Variants in ANKRD39 observed in about 807,000 individuals in gnomAD.
ANKRD39 encodes ankyrin repeat domain 39, also known as ankyrin repeat domain-containing protein 39.
In ANKRD39, 18 loss-of-function variants were observed where a neutral mutation model predicts 20.3. The observed-to-expected ratio is 0.89, with a 90% CI of 0.61 to 1.32. The LOEUF (loss-of-function observed/expected upper bound fraction) is 1.32, where lower values mean the gene tolerates loss of function less well. ANKRD39 is among the 40% of genes most tolerant of loss of function. The pLI, the probability that ANKRD39 is intolerant of heterozygous loss-of-function variation, is 0.00. For synonymous variants in ANKRD39, 106 were observed against 111.9 expected (o/e 0.95, Z 0.33); for missense variants, 243 against 250.7 (o/e 0.97, Z 0.21).
intron 1 of ANKRD39, among the ~76,000 whole-genome samples, chr2:96,856,727 C>T (rs1255463013): frequency 6.6e-6 from 1 of 152,172 alleles, no homozygotes; most frequent in Non-Finnish European, 1.5e-5. Context: ...GAACTGCCCC[C>T]AGTTGAGAAC....
rs1213513013 is a variant in ANKRD39, at chr2:96,853,455, T to A, written c.354A>T (p.Ser118=). The A allele has an allele frequency of 6.3e-7, 1 of 1,597,672 alleles. No individual in the cohort carries two copies. Among genetic ancestry groups the A allele is most frequent in the East Asian group, 2.3e-5 (1 of 43,734 alleles). The change falls in exon 3 of 4, where the codon TCA becomes TCT. Residue 118 remains serine (S), a synonymous_variant. Coordinates refer to ENST00000393537, the MANE Select transcript of ANKRD39 (RefSeq NM_016466.6). ...GHTEIARLLL[S]HGSNPRVVDD... is the part of the protein sequence containing the mutation. ...CCACCACCCTGGGGTTGGACCCATG[T>A]GATAGCAGGAGCCGCGCGATTTCAG...
intron 3 of ANKRD39, among the ~76,000 whole-genome samples, chr2:96,848,784 A>G (rs962646096): frequency 1.3e-5 from 2 of 151,918 alleles, no homozygotes; most frequent in Non-Finnish European, 2.9e-5. Context: ...TCATGCCATT[A>G]CACTCCAGCC....
chr2:96,849,207 C>T (rs892283972), intron 3 of ANKRD39, among the ~76,000 whole-genome samples: 2 of 152,000 alleles, frequency 1.3e-5, no homozygotes, highest in African/African-American at 4.8e-5. Context: ...GGCTGGAGTT[C>T]AGTAGTGCAA....
At chr2:96,853,129 A>G (rs1012485710) in intron 3 of ANKRD39, among the ~76,000 whole-genome samples, 3 of 152,226 alleles carry the variant, frequency 2.0e-5, no homozygotes, top group African/African-American at 4.8e-5. Context: ...AAGAGTATGT[A>G]TAAGTTTCAG....
At chr2:96,856,051 GTTTCT>G (rs1393583264) in intron 1 of ANKRD39, among the ~76,000 whole-genome samples, 3 of 152,192 alleles carry the variant, frequency 2.0e-5, no homozygotes, top group African/African-American at 7.2e-5. Flanking sequence ...AAATCTCACA[GTTTCT>G]TTTATTTGTG....
At position 96,848,075 on chromosome 2, in the gene ANKRD39, A is replaced by C. The variant is rs2079818712; in HGVS notation, c.*226T>G. 1 of 472,738 alleles carries C rather than the reference A, an allele frequency of 2.1e-6. No homozygotes were observed. The highest frequency in any genetic ancestry group is 3.7e-6 in the Non-Finnish European group (1 of 271,610). The allele number at this position is 472,738 out of a possible 1,614,324, so 29.3% of individuals were successfully genotyped here. ...ATATAACTTTATTTTTTTCCAAATA[A>C]ATAGATGTCTCATATGAACTAATTT... On this transcript the variant is annotated 3_prime_UTR_variant, in exon 4 of 4. Coordinates refer to ENST00000393537, the MANE Select transcript of ANKRD39 (RefSeq NM_016466.6).
chr2:96,852,905 C>T (rs61661673), intron 3 of ANKRD39, among the ~76,000 whole-genome samples: 10,032 of 151,910 alleles, frequency 0.066, 844 homozygotes, highest in African/African-American at 0.2. Context: ...CCATTCCCCA[C>T]AAAAAAGGAA....
rs763181616 is a variant in ANKRD39, at chr2:96,854,372, G to T, written c.170C>A (p.Pro57Gln). The T allele has an allele frequency of 6.2e-7, 1 of 1,614,058 alleles. No homozygotes were observed. Among genetic ancestry groups the T allele is most frequent in the Non-Finnish European group, 8.5e-7 (1 of 1,179,996 alleles). ...GTAGCCGGCCGAGTCGGGCTGACTT[G>T]GGTCCTCGGCCTTCTGGATTAAATG... The part of the protein sequence containing the change: ...VKHLIQKAED[P>Q]SQPDSAGYTA... The change falls in exon 2 of 4, where the codon CCA becomes CAA. Residue 57 changes from proline to glutamine, a missense_variant. Physicochemically the swap from Pro to Gln is moderately conservative, Grantham distance 76. Coordinates refer to ENST00000393537, the MANE Select transcript of ANKRD39 (RefSeq NM_016466.6).
Position 96,857,737 on chromosome 2 carries a change from G to C in ANKRD39, c.100+151C>G, listed in dbSNP as rs546582363. ...GCCCTGGGAGGCTCTCAGTACACGG[G>C]AACCGTGGGTCCCGCCCGCCTTCCC... is the stretch of plus-strand genomic sequence containing the variant. On this transcript the variant is annotated intron_variant, in intron 1 of 3. Transcript: ENST00000393537. 9.2e-5 allele frequency: 75 copies of C among 815,024 alleles called. No homozygotes were observed. The South Asian group carries it at 1.2e-3, about 13-fold the overall frequency. The allele number at this position is 815,024 out of a possible 1,614,324, so 50.5% of individuals were successfully genotyped here.
intron 1 of ANKRD39, among the ~76,000 whole-genome samples, chr2:96,857,064 G>C (rs1318232872): frequency 1.3e-5 from 2 of 152,218 alleles, no homozygotes; most frequent in Non-Finnish European, 2.9e-5. Context: ...TGGCTGCTAT[G>C]TGAGAGTAGA....
chr2:96,851,622 C>T (rs2079837395), intron 3 of ANKRD39, among the ~76,000 whole-genome samples: 1 of 152,186 alleles, frequency 6.6e-6, no homozygotes, highest in Non-Finnish European at 1.5e-5. Context: ...GACAAAGCCC[C>T]AGCTGTCTCT....
At chr2:96,856,195 C>T (rs573113198) in intron 1 of ANKRD39, among the ~76,000 whole-genome samples, 4 of 152,152 alleles carry the variant, frequency 2.6e-5, no homozygotes, top group South Asian at 2.1e-4. Flanking sequence ...AGCAAGATGC[C>T]GGGTGCGGTG....
At chr2:96,850,105 A>T (rs1027590365) in intron 3 of ANKRD39, among the ~76,000 whole-genome samples, 2 of 152,176 alleles carry the variant, frequency 1.3e-5, no homozygotes, top group African/African-American at 4.8e-5. Context: ...AACTCTGTGA[A>T]CCACTATTAT....
At chr2:96,848,523 C>A in intron 3 of ANKRD39, 79 bp from the exon 4 acceptor site, 1 of 1,563,502 alleles carries the variant, frequency 6.4e-7, no homozygotes, top group South Asian at 1.1e-5. Flanking sequence ...TTCAGTGGTT[C>A]TTCCTTCTAA....
chr2:96,853,327 C>G, intron 3 of ANKRD39, 74 bp downstream of exon 3: 1 of 1,483,264 alleles, frequency 6.7e-7, no homozygotes. Context: ...CTGTTTTCCC[C>G]ATGTTTTCTA....
chr2:96,853,877 A>G (rs563928791), intron 2 of ANKRD39, among the ~76,000 whole-genome samples: 267 of 152,386 alleles, frequency 1.8e-3, no homozygotes, highest in African/African-American at 3.2e-3. Flanking sequence ...CTGTAATCCC[A>G]GCACTTTGGG....
Position 96,848,389 on chromosome 2 carries a change from G to A in ANKRD39, c.464C>T (p.Ala155Val), listed in dbSNP as rs770385380. Reference sequence around the variant, plus strand: ...CTTTCGGTCCCGGATGGCCTTCAGGGCTGGGCTGTGTTGCAGGAGGAGGGA... The same window carrying A: ...CTTTCGGTCCCGGATGGCCTTCAGGACTGGGCTGTGTTGCAGGAGGAGGGA... ...ICSLLLQHSPALKAIRDRKAR... is the reference protein window; with the variant it reads ...ICSLLLQHSPVLKAIRDRKAR... The change falls in exon 4 of 4, where the codon GCC (alanine) becomes GTC (valine). Residue 155 changes from alanine (A) to valine (V), a missense_variant. Transcript: ENST00000393537. 1 of 1,614,188 alleles carries A rather than the reference G, an allele frequency of 6.2e-7. No homozygotes were observed. The highest frequency in any genetic ancestry group is 1.1e-5 in the South Asian group (1 of 91,084).
intron 2 of ANKRD39, 54 bp downstream of exon 2, chr2:96,854,284 T>C: frequency 1.3e-6 from 2 of 1,542,580 alleles, no homozygotes; most frequent in South Asian, 1.2e-5. Flanking sequence ...AGAGAGCAGG[T>C]GTCTCCTGAG....
chr2:96,849,738 A>G (rs890790832), intron 3 of ANKRD39, among the ~76,000 whole-genome samples: 2 of 152,094 alleles, frequency 1.3e-5, no homozygotes, highest in Non-Finnish European at 2.9e-5. Context: ...CTATCCTCCC[A>G]CCTTGGCCTC....
Sources: allele counts gnomAD v4.1 joint callset (sites outside exome capture counted in the v4.1 genomes callset), GRCh38; gene constraint gnomAD v4.1.1; transcripts MANE v1.5; gene names NCBI Gene and HGNC (gene_info 2026-07-23, HGNC 2026-07-21).